The following GRIA1 variants were observed in gnomAD, a reference collection of about 807,000 sequenced individuals.
The protein encoded by GRIA1 is glutamate ionotropic receptor AMPA type subunit 1, also known as glutamate receptor 1.
In GRIA1, 31 loss-of-function variants were observed where a neutral mutation model predicts 99.2. That is an observed-to-expected ratio of 0.31 (90% confidence interval 0.23 to 0.42). The LOEUF is 0.42. Among genes scored for constraint, GRIA1 ranks in the 10% least tolerant of loss-of-function variants. The probability of loss-of-function intolerance (pLI) is 1.00; values close to 1 mark genes in which losing one functional copy is unlikely to be tolerated. For missense variants in GRIA1, 782 were observed against 1,157.5 expected, an observed-to-expected ratio of 0.68 and a Z score of 4.71; for synonymous variants, 438 against 432.4, an observed-to-expected ratio of 1.01 and a Z score of -0.16.
intron 5 of GRIA1, among the ~76,000 whole-genome samples, chr5:153,656,455 GT>G (rs1052914640): frequency 7.0e-6 from 1 of 143,316 alleles, no homozygotes; most frequent in Non-Finnish European, 1.5e-5. Context: ...GAGTGCTACT[GT>G]TTTTTATATT....
At chr5:153,557,581 G>A (rs1242677095) in intron 2 of GRIA1, among the ~76,000 whole-genome samples, 1 of 151,874 alleles carries the variant, frequency 6.6e-6, no homozygotes, top group African/African-American at 2.4e-5. Context: ...ATATCCCTAT[G>A]CTATAAGCTT....
intron 8 of GRIA1, among the ~76,000 whole-genome samples, chr5:153,695,354 G>C (rs530677276): frequency 1.3e-5 from 2 of 152,188 alleles, no homozygotes; most frequent in Non-Finnish European, 2.9e-5. Context: ...CAGCTAGAAG[G>C]CTCCTTGAGA....
At chr5:153,516,548 C>T (rs961656559) in intron 2 of GRIA1, among the ~76,000 whole-genome samples, 2 of 152,034 alleles carry the variant, frequency 1.3e-5, no homozygotes, top group East Asian at 1.9e-4. Flanking sequence ...ATTTGAGTCC[C>T]CTGTACACTG....
chr5:153,662,774 C>A (rs1056329922), intron 5 of GRIA1, among the ~76,000 whole-genome samples: 2 of 152,162 alleles, frequency 1.3e-5, no homozygotes, highest in African/African-American at 4.8e-5. Flanking sequence ...CTCCAAACTG[C>A]CTTTTCACAA....
chr5:153,602,880 C>A (rs139558907), intron 2 of GRIA1, among the ~76,000 whole-genome samples: 1 of 152,272 alleles, frequency 6.6e-6, no homozygotes, highest in East Asian at 1.9e-4. Flanking sequence ...CCCTTAAGTT[C>A]TTTTCTTTCT....
chr5:153,560,937 C>G (rs577570601), intron 2 of GRIA1, among the ~76,000 whole-genome samples: 1 of 152,294 alleles, frequency 6.6e-6, no homozygotes, highest in South Asian at 2.1e-4. Context: ...CAGGCTGAAC[C>G]TTTCTTAGCA....
At chr5:153,660,016 A>G (rs958924396) in intron 5 of GRIA1, among the ~76,000 whole-genome samples, 2 of 152,188 alleles carry the variant, frequency 1.3e-5, no homozygotes, top group Non-Finnish European at 2.9e-5. Flanking sequence ...TAATACTCCT[A>G]TGAAGTAAAC....
intron 2 of GRIA1, among the ~76,000 whole-genome samples, chr5:153,593,184 T>C (rs1301029501): frequency 6.6e-6 from 1 of 152,152 alleles, no homozygotes; most frequent in Non-Finnish European, 1.5e-5. Flanking sequence ...TGAGAATCAC[T>C]TGAGCCTGGA....
chr5:153,531,198 C>T (rs1448874071), intron 2 of GRIA1, among the ~76,000 whole-genome samples: 1 of 152,128 alleles, frequency 6.6e-6, no homozygotes, highest in Non-Finnish European at 1.5e-5. Flanking sequence ...TGAGATGGTT[C>T]AAGTAATAGA....
chr5:153,705,050 C>G (rs1302119379), intron 10 of GRIA1, among the ~76,000 whole-genome samples: 1 of 152,190 alleles, frequency 6.6e-6, no homozygotes, highest in East Asian at 1.9e-4. Context: ...CTGACTTAGG[C>G]AAACTGACAC....
chr5:153,684,350 C>A (rs767894283), intron 7 of GRIA1, among the ~76,000 whole-genome samples: 5 of 152,070 alleles, frequency 3.3e-5, no homozygotes, highest in Non-Finnish European at 5.9e-5. Context: ...AAGCATTGAT[C>A]AAAAAATATC....
At chr5:153,787,002 G>C (rs987621777) in intron 13 of GRIA1, among the ~76,000 whole-genome samples, 1 of 152,172 alleles carries the variant, frequency 6.6e-6, no homozygotes, top group African/African-American at 2.4e-5. Flanking sequence ...GAAACTCAAG[G>C]TTTCGAAGGC....
chr5:153,494,910 C>A (rs949403863), intron 2 of GRIA1, among the ~76,000 whole-genome samples: 1 of 152,088 alleles, frequency 6.6e-6, no homozygotes, highest in Non-Finnish European at 1.5e-5. Flanking sequence ...CAATTTGAGA[C>A]CCCAAACTGG....
At chr5:153,611,782 A>T (rs943221507) in intron 2 of GRIA1, among the ~76,000 whole-genome samples, 3 of 152,238 alleles carry the variant, frequency 2.0e-5, no homozygotes, top group Admixed American at 1.3e-4. Flanking sequence ...TCAGTGGACA[A>T]AGTTCAGCCA....
intron 2 of GRIA1, among the ~76,000 whole-genome samples, chr5:153,569,975 C>G (rs142923116): frequency 2.0e-5 from 3 of 152,248 alleles, no homozygotes; most frequent in Admixed American, 1.3e-4. Flanking sequence ...GGTTACTATT[C>G]GGTTAATAGG....
intron 15 of GRIA1, 63 bp from the exon 16 acceptor site, chr5:153,810,962 A>T: frequency 8.7e-7 from 1 of 1,147,086 alleles, no homozygotes; most frequent in East Asian, 2.3e-5. Flanking sequence ...TCCAGTCTTG[A>T]CTCATTCCCA....
chr5:153,774,767 G>A (rs1320833734), intron 13 of GRIA1, among the ~76,000 whole-genome samples: 6 of 152,316 alleles, frequency 3.9e-5, no homozygotes, highest in African/African-American at 1.2e-4. Context: ...AGGCCCAAAT[G>A]TTCCTCCAAA....
At chr5:153,677,599 A>G (rs941388306) in intron 7 of GRIA1, among the ~76,000 whole-genome samples, 46 of 152,218 alleles carry the variant, frequency 3.0e-4, no homozygotes, top group African/African-American at 1.1e-3. Flanking sequence ...AGTACTTCTG[A>G]TACTACCTTC....
chr5:153,562,753 G>A (rs886530745), intron 2 of GRIA1, among the ~76,000 whole-genome samples: 1 of 152,178 alleles, frequency 6.6e-6, no homozygotes, highest in African/African-American at 2.4e-5. Context: ...CTGAGATGAG[G>A]AGATATTAAA....
Sources: allele counts gnomAD v4.1 joint callset (sites outside exome capture counted in the v4.1 genomes callset), GRCh38; gene constraint gnomAD v4.1.1; transcripts MANE v1.5; gene names NCBI Gene and HGNC (gene_info 2026-07-23, HGNC 2026-07-21).